The following STAC variants were observed in gnomAD, a reference collection of about 807,000 sequenced individuals.
The protein encoded by STAC is SH3 and cysteine rich domain.
In STAC, 43 loss-of-function variants were observed where a neutral mutation model predicts 48.8. The ratio of observed to expected loss-of-function variants is 0.88; its 90% CI spans 0.69 to 1.14. The LOEUF is 1.14. Among genes scored for constraint, STAC ranks in the 50% most tolerant of loss-of-function variants. The pLI is 0.00. For missense variants in STAC, 497 were observed against 504.0 expected (o/e 0.99, Z 0.13); for synonymous variants, 193 against 179.5 (o/e 1.07, Z -0.60).
intron 8 of STAC, among the ~76,000 whole-genome samples, chr3:36,518,093 A>T (rs1379831707): frequency 1.3e-5 from 2 of 152,184 alleles, no homozygotes; most frequent in African/African-American, 2.4e-5. Flanking sequence ...ATCACTTATT[A>T]TTCACACCAA....
intron 5 of STAC, among the ~76,000 whole-genome samples, chr3:36,490,245 C>T (rs542152032): frequency 1.3e-5 from 2 of 152,292 alleles, no homozygotes; most frequent in East Asian, 1.9e-4. Flanking sequence ...CCTAACCCCA[C>T]GTACCACGTT....
At chr3:36,532,479 G>A (rs1300538560) in intron 10 of STAC, among the ~76,000 whole-genome samples, 2 of 152,108 alleles carry the variant, frequency 1.3e-5, no homozygotes, top group African/African-American at 2.4e-5. Context: ...AAGAGCACCC[G>A]ATCCTTCATT....
chr3:36,546,096 C>T, intron 10 of STAC, 95 bp from the exon 11 acceptor site: 1 of 999,850 alleles, frequency 1.0e-6, no homozygotes, highest in Non-Finnish European at 1.6e-6. Context: ...TTTGTTGCTC[C>T]TGCAACCTCA....
chr3:36,460,073 C>A (rs1340728277), intron 2 of STAC, among the ~76,000 whole-genome samples: 1 of 151,950 alleles, frequency 6.6e-6, no homozygotes, highest in Non-Finnish European at 1.5e-5. Flanking sequence ...AGTTTCAACC[C>A]TTCAGGAATA....
rs1467979596 is a variant in STAC, at chr3:36,390,674, G to A, written c.111+9920G>A. Among the ~76,000 whole-genome samples, 3 of 151,754 alleles carry A rather than the reference G, an allele frequency of 2.0e-5. No individual in the cohort carries two copies. In the East Asian group the frequency reaches 5.8e-4, roughly 29 times the overall value. ...GATAACTGTCACTTTTGTGTTCTTG[G>A]TCAGATTTTATTTTTAAGGCTATGC... On this transcript the variant is annotated intron_variant, in intron 1 of 10. Transcript: ENST00000273183.
intron 1 of STAC, among the ~76,000 whole-genome samples, chr3:36,423,570 C>G (rs56020835): frequency 0.023 from 3,525 of 152,006 alleles, 58 homozygotes; most frequent in Non-Finnish European, 0.026. Context: ...CACTTATACA[C>G]AGGCATACAG....
At chr3:36,459,280 C>T (rs571978724) in intron 2 of STAC, 84 of 152,172 alleles carry the variant, frequency 5.5e-4, no homozygotes, top group African/African-American at 1.9e-3. Context: ...TGAACCAAAG[C>T]ATATACAAAG....
chr3:36,445,120 A>T (rs1258195407), intron 2 of STAC, among the ~76,000 whole-genome samples: 2 of 152,230 alleles, frequency 1.3e-5, no homozygotes, highest in Non-Finnish European at 2.9e-5. Flanking sequence ...GAAAAGACAG[A>T]GGATGTGTTT....
chr3:36,405,975 AGCC>A (rs1700080889), intron 1 of STAC, among the ~76,000 whole-genome samples: 2 of 152,162 alleles, frequency 1.3e-5, no homozygotes, highest in African/African-American at 4.8e-5. Flanking sequence ...CTCATGCCTC[AGCC>A]TCCCAAAGTT....
chr3:36,511,201 G>C (rs1698530075), intron 8 of STAC, among the ~76,000 whole-genome samples: 1 of 152,012 alleles, frequency 6.6e-6, no homozygotes, highest in African/African-American at 2.4e-5. Flanking sequence ...CTTGTTGTGT[G>C]ACCTTAAGCA....
chr3:36,399,493 T>C (rs1032630576), intron 1 of STAC, among the ~76,000 whole-genome samples: 6 of 152,136 alleles, frequency 3.9e-5, no homozygotes, highest in Admixed American at 6.5e-5. Context: ...TAGCAGAAAG[T>C]GTGAACTATA....
Position 36,453,783 on chromosome 3 carries a change from T to C in STAC, c.388+10143T>C, listed in dbSNP as rs1696764490. Among the ~76,000 whole-genome samples, 3 of 27,546 alleles carry C rather than the reference T, an allele frequency of 1.1e-4. 1 individual carries two copies. In the South Asian group the frequency reaches 2.0e-3, roughly 18 times the overall value. 18.1% of individuals were successfully genotyped at this position (27,546 alleles called of 152,430 possible). On this transcript the variant is annotated intron_variant, in intron 2 of 10. Transcript: ENST00000273183. The stretch of plus-strand genomic sequence containing the variant: ...TGGGCTCCTGAGTCTGGTGGGGACG[T>C]GGAGAACCTTTATGTCTGGCTAGGG...
chr3:36,478,807 G>T (rs767594837), intron 2 of STAC, among the ~76,000 whole-genome samples: 4 of 152,262 alleles, frequency 2.6e-5, no homozygotes, highest in Non-Finnish European at 5.9e-5. Flanking sequence ...ATTTGTAGTA[G>T]AGATGGAGTT....
intron 2 of STAC, among the ~76,000 whole-genome samples, chr3:36,470,945 T>C (rs1697316719): frequency 6.6e-6 from 1 of 152,236 alleles, no homozygotes; most frequent in African/African-American, 2.4e-5. Flanking sequence ...AAAGCAAGGA[T>C]CAACTTAATT....
At chr3:36,546,153 A>C (rs760684450) in intron 10 of STAC, 38 bp from the exon 11 acceptor site, 31 of 1,568,642 alleles carry the variant, frequency 2.0e-5, no homozygotes, top group Non-Finnish European at 2.7e-5. Flanking sequence ...TCTTGCTGAC[A>C]GTAAAGTATT....
At chr3:36,401,581 G>T (rs1699999797) in intron 1 of STAC, among the ~76,000 whole-genome samples, 1 of 152,184 alleles carries the variant, frequency 6.6e-6, no homozygotes, top group South Asian at 2.1e-4. Context: ...GGATTCCCCA[G>T]CTGCTGTCCT....
At chr3:36,415,603 G>A (rs567968549) in intron 1 of STAC, among the ~76,000 whole-genome samples, 40 of 152,294 alleles carry the variant, frequency 2.6e-4, no homozygotes, top group African/African-American at 9.1e-4. Flanking sequence ...GCTCACCGTT[G>A]GTGCACTGCA....
intron 1 of STAC, among the ~76,000 whole-genome samples, chr3:36,439,344 C>T (rs1374553653): frequency 6.6e-6 from 1 of 152,154 alleles, no homozygotes; most frequent in Non-Finnish European, 1.5e-5. Flanking sequence ...CCCCCATCAT[C>T]CACCATCCAC....
At chr3:36,464,236 T>C (rs1482332545) in intron 2 of STAC, among the ~76,000 whole-genome samples, 1 of 152,174 alleles carries the variant, frequency 6.6e-6, no homozygotes, top group African/African-American at 2.4e-5. Context: ...TGGTATCTCA[T>C]TGTGGTTTTG....
Sources: allele counts gnomAD v4.1 joint callset (sites outside exome capture counted in the v4.1 genomes callset), GRCh38; gene constraint gnomAD v4.1.1; transcripts MANE v1.5; gene names NCBI Gene and HGNC (gene_info 2026-07-23, HGNC 2026-07-21).